ADAM9: variants seen among roughly 807,000 people sequenced by gnomAD.
The protein encoded by ADAM9 is ADAM metallopeptidase domain 9, also known as disintegrin and metalloproteinase domain-containing protein 9.
A neutral mutation model predicts 108.1 loss-of-function variants in ADAM9; 54 were observed. That is an observed-to-expected ratio of 0.50 (90% CI 0.40 to 0.63). The LOEUF (loss-of-function observed/expected upper bound fraction) is 0.63, where lower values mean the gene tolerates loss of function less well. ADAM9 is among the 20% of genes least tolerant of loss of function. The probability of loss-of-function intolerance (pLI) is 0.00; values close to 1 mark genes in which losing one functional copy is unlikely to be tolerated. For missense variants in ADAM9, 830 were observed against 997.7 expected, an observed-to-expected ratio of 0.83 and a Z score of 2.26; for synonymous variants, 316 against 336.0, an observed-to-expected ratio of 0.94 and a Z score of 0.65.
chr8:38,997,096 C>G lies in ADAM9; in HGVS notation c.33C>G (p.Thr11=), dbSNP rs1214634131. The G allele has an allele frequency of 3.7e-6, 6 of 1,606,894 alleles. No homozygotes were observed. Among genetic ancestry groups the G allele is most frequent in the South Asian group, 1.1e-5 (1 of 91,052 alleles). MGSGARFPSG[T]LRVRWLLLLG... ...CTGGCGCGCGCTTTCCCTCGGGGAC[C>G]CTTCGTGTCCGGTGGTTGCTGTTGC... Residue 11 remains threonine, a synonymous_variant, in exon 1 of 22, where the codon ACC becomes ACG. Transcript: ENST00000487273.
intron 1 of ADAM9, 100 bp downstream of exon 1, chr8:38,997,260 G>T: frequency 7.3e-7 from 1 of 1,371,340 alleles, no homozygotes; most frequent in South Asian, 1.2e-5. Context: ...GCCCGGCCTG[G>T]GGATCGGACC....
At chr8:39,076,815 T>G (rs1323694361) in intron 15 of ADAM9, among the ~76,000 whole-genome samples, 1 of 152,226 alleles carries the variant, frequency 6.6e-6, no homozygotes, top group Non-Finnish European at 1.5e-5. Flanking sequence ...TTATTTTGCA[T>G]TATAGAATCT....
chr8:39,037,459 T>TG (rs1554577630), intron 11 of ADAM9, among the ~76,000 whole-genome samples: 6,613 of 73,474 alleles, frequency 0.09, 154 homozygotes, highest in Non-Finnish European at 0.12. Flanking sequence ...TGTGTGTGTG[T>TG]TTTTTTTTTT....
At chr8:39,083,852 A>G (rs1024252077) in intron 18 of ADAM9, among the ~76,000 whole-genome samples, 23 of 152,198 alleles carry the variant, frequency 1.5e-4, no homozygotes, top group South Asian at 2.1e-4. Context: ...ACCAGCTAGA[A>G]TGACTAGTCA....
At chr8:39,002,754 A>G (rs182955246) in intron 1 of ADAM9, among the ~76,000 whole-genome samples, 1 of 152,206 alleles carries the variant, frequency 6.6e-6, no homozygotes, top group Non-Finnish European at 1.5e-5. Context: ...AAGAAGTGCA[A>G]CTAACACCTT....
At chr8:39,076,648 G>A (rs1403279059) in intron 15 of ADAM9, among the ~76,000 whole-genome samples, 1 of 152,126 alleles carries the variant, frequency 6.6e-6, no homozygotes, top group South Asian at 2.1e-4. Flanking sequence ...TATAGGAAGG[G>A]CATTTAATTC....
intron 12 of ADAM9, among the ~76,000 whole-genome samples, chr8:39,044,659 C>A (rs1244517550): frequency 1.3e-5 from 2 of 151,898 alleles, no homozygotes; most frequent in African/African-American, 4.8e-5. Context: ...TACCCAGTGT[C>A]CATCACCTCC....
intron 18 of ADAM9, among the ~76,000 whole-genome samples, chr8:39,088,034 A>G (rs1405458643): frequency 6.6e-6 from 1 of 152,212 alleles, no homozygotes; most frequent in African/African-American, 2.4e-5. Context: ...AAGAGAAAAT[A>G]TATATACTAT....
chr8:39,011,822 A>G (rs1836364635), intron 3 of ADAM9, 106 bp downstream of exon 3: 1 of 1,063,488 alleles, frequency 9.4e-7, no homozygotes. Flanking sequence ...CCTGGGATTA[A>G]GCAGATTTAG....
chr8:39,024,522 C>T (rs1282494685), intron 9 of ADAM9, among the ~76,000 whole-genome samples: 1 of 152,134 alleles, frequency 6.6e-6, no homozygotes, highest in Non-Finnish European at 1.5e-5. Flanking sequence ...TCCATGAGTG[C>T]ATTTTGGGGC....
chr8:39,052,967 C>G (rs1026550623), intron 12 of ADAM9, among the ~76,000 whole-genome samples: 1 of 152,050 alleles, frequency 6.6e-6, no homozygotes, highest in Admixed American at 6.6e-5. Context: ...TATGGGAGTT[C>G]TAATTGTTTC....
intron 7 of ADAM9, among the ~76,000 whole-genome samples, chr8:39,019,384 G>A (rs912275666): frequency 2.0e-5 from 3 of 152,314 alleles, no homozygotes; most frequent in African/African-American, 7.2e-5. Flanking sequence ...ATTAATTTCC[G>A]TGTATAGGAT....
chr8:39,039,366 CA>C (rs1413195162), intron 11 of ADAM9, among the ~76,000 whole-genome samples: 2 of 152,148 alleles, frequency 1.3e-5, no homozygotes, highest in East Asian at 3.8e-4. Flanking sequence ...AGCAGATTAA[CA>C]CATCCATCAT....
At chr8:39,014,233 A>C (rs1420030839) in intron 4 of ADAM9, 190 bp downstream of exon 4, 1 of 599,382 alleles carries the variant, frequency 1.7e-6, no homozygotes, top group East Asian at 2.7e-5. Context: ...ACAGCTCTCC[A>C]GGTACTCAGT....
chr8:39,019,943 A>G (rs1016399845), intron 7 of ADAM9, among the ~76,000 whole-genome samples: 2 of 152,246 alleles, frequency 1.3e-5, no homozygotes, highest in Admixed American at 6.5e-5. Flanking sequence ...GTGGGCAAAA[A>G]GCTTCTGTAG....
At chr8:39,023,740 GT>G (rs869059346) in intron 9 of ADAM9, among the ~76,000 whole-genome samples, 237 of 78,906 alleles carry the variant, frequency 3.0e-3, no homozygotes, top group African/African-American at 0.01. Context: ...TTTTGCGTTT[GT>G]TTTTTTTTTT....
chr8:39,039,277 T>C (rs1837382313), intron 11 of ADAM9, among the ~76,000 whole-genome samples: 1 of 152,140 alleles, frequency 6.6e-6, no homozygotes, highest in South Asian at 2.1e-4. Flanking sequence ...AATACAAATA[T>C]ATGTAAGATA....
chr8:39,009,081 G>A (rs1199767305), intron 2 of ADAM9, among the ~76,000 whole-genome samples: 3 of 152,156 alleles, frequency 2.0e-5, no homozygotes, highest in Non-Finnish European at 4.4e-5. Context: ...TGAGGATCAG[G>A]AACTTTTAGT....
At chr8:39,021,355 T>C (rs1320915442) in intron 7 of ADAM9, among the ~76,000 whole-genome samples, 1 of 152,168 alleles carries the variant, frequency 6.6e-6, no homozygotes, top group Admixed American at 6.5e-5. Context: ...GGATCTTGGC[T>C]CACTGCAACT....
Sources: allele counts gnomAD v4.1 joint callset (sites outside exome capture counted in the v4.1 genomes callset), GRCh38; gene constraint gnomAD v4.1.1; transcripts MANE v1.5; gene names NCBI Gene and HGNC (gene_info 2026-07-23, HGNC 2026-07-21).